The following ASTN2 variants were observed in gnomAD, a reference collection of about 807,000 sequenced individuals.
ASTN2 encodes astrotactin 2, also known as astrotactin-2.
A neutral mutation model predicts 139.8 loss-of-function variants in ASTN2; 54 were observed. That is an observed-to-expected ratio of 0.39 (90% CI 0.31 to 0.48). The LOEUF (loss-of-function observed/expected upper bound fraction) is 0.48, where lower values mean the gene tolerates loss of function less well. Among genes scored for constraint, ASTN2 ranks in the 20% least tolerant of loss-of-function variants. The pLI is 0.95. For missense variants in ASTN2, 1,565 were observed against 1,725.1 expected, an observed-to-expected ratio of 0.91 and a Z score of 1.64; for synonymous variants, 756 against 719.5, an observed-to-expected ratio of 1.05 and a Z score of -0.81.
Position 117,358,572 on chromosome 9 carries a change from TCA to T in ASTN2, c.442+55923_442+55924del, listed in dbSNP as rs1309171812. On this transcript the variant is annotated intron_variant, in intron 1 of 22. Transcript: ENST00000313400. ...ACATCACCCTGGGCACCATTTCTAA[TCA>T]CAGACTTGTCGACCACCAGCCTCTT... is the stretch of plus-strand genomic sequence containing the variant. Among the ~76,000 whole-genome samples, 4 of 152,238 alleles carry T rather than the reference TCA, an allele frequency of 2.6e-5. No individual in the cohort carries two copies. The East Asian group carries it at 5.8e-4, about 22-fold the overall frequency.
At chr9:117,056,526 A>G (rs996155464) in intron 5 of ASTN2, among the ~76,000 whole-genome samples, 8 of 152,158 alleles carry the variant, frequency 5.3e-5, no homozygotes, top group Non-Finnish European at 1.5e-5. Flanking sequence ...TCATAATTAC[A>G]CTGTGTCAGG....
At position 116,803,351 on chromosome 9, in the gene ASTN2, T is replaced by C. The variant is rs559508850; in HGVS notation, c.2396+2281A>G. 9.4e-5 allele frequency among the ~76,000 whole-genome samples: 14 copies of C among 149,212 alleles called. No individual in the cohort carries two copies. The South Asian group carries it at 1.5e-3, about 16-fold the overall frequency. On this transcript the variant is annotated intron_variant, in intron 13 of 22. Transcript: ENST00000313400. ...TTTAAATAGAGACAAGTGTTCACTCTGTTGCCCAGACTGGATTGCAGTGGC... is the reference window on the plus strand; with the variant it reads ...TTTAAATAGAGACAAGTGTTCACTCCGTTGCCCAGACTGGATTGCAGTGGC...
Position 116,618,365 on chromosome 9 carries a change from T to C in ASTN2, c.3314A>G (p.His1105Arg), listed in dbSNP as rs757177817. 5 of 1,614,046 alleles carry C rather than the reference T, an allele frequency of 3.1e-6. No individual in the cohort carries two copies. In the African/African-American group the frequency reaches 4.0e-5, roughly 13 times the overall value. The change falls in exon 19 of 23, where the codon CAT (histidine) becomes CGT (arginine). Residue 1105 changes from histidine to arginine, a missense_variant. Coordinates refer to ENST00000313400, the MANE Select transcript of ASTN2 (RefSeq NM_001365068.1). ...GTCTGTGTATTCATCCACTTTCTTATGCTGCAGAATATAGTCGGAGACCTT... is the reference window on the plus strand; with the variant it reads ...GTCTGTGTATTCATCCACTTTCTTACGCTGCAGAATATAGTCGGAGACCTT... ...GTKVSDYILQ[H>R]KKVDEYTDTD...
At chr9:116,915,776 C>T (rs925356378) in intron 10 of ASTN2, among the ~76,000 whole-genome samples, 6 of 152,180 alleles carry the variant, frequency 3.9e-5, no homozygotes, top group Non-Finnish European at 7.3e-5. Flanking sequence ...ACTTCTTCAT[C>T]TGTCTGTTCA....
At chr9:117,128,063 A>G (rs1829740339) in intron 4 of ASTN2, among the ~76,000 whole-genome samples, 1 of 152,034 alleles carries the variant, frequency 6.6e-6, no homozygotes, top group Admixed American at 6.5e-5. Context: ...AATCATAGGG[A>G]GTGAAAGCTG....
chr9:116,586,841 C>CACACACAT (rs1854176631), intron 19 of ASTN2, among the ~76,000 whole-genome samples: 2 of 145,636 alleles, frequency 1.4e-5, no homozygotes, highest in South Asian at 4.2e-4. Flanking sequence ...TACACACACA[C>CACACACAT]ACACACACAC....
At chr9:116,784,263 C>T (rs1057088379) in intron 13 of ASTN2, among the ~76,000 whole-genome samples, 2 of 152,200 alleles carry the variant, frequency 1.3e-5, no homozygotes, top group Non-Finnish European at 2.9e-5. Context: ...AAATCCTTCA[C>T]CACTACTTTT....
At chr9:116,665,193 CT>C (rs1255860159) in intron 16 of ASTN2, among the ~76,000 whole-genome samples, 2 of 152,078 alleles carry the variant, frequency 1.3e-5, no homozygotes, top group African/African-American at 4.8e-5. Flanking sequence ...CCAAATAAAC[CT>C]TTTTTCCTTA....
chr9:117,221,223 T>C (rs1016428112), intron 2 of ASTN2, among the ~76,000 whole-genome samples: 2 of 152,172 alleles, frequency 1.3e-5, no homozygotes, highest in Non-Finnish European at 2.9e-5. Context: ...GCTGGTTTTC[T>C]TACGTACACA....
intron 1 of ASTN2, among the ~76,000 whole-genome samples, chr9:117,370,127 T>C (rs1829950856): frequency 6.6e-6 from 1 of 152,068 alleles, no homozygotes; most frequent in Non-Finnish European, 1.5e-5. Context: ...AGGCTCCTCC[T>C]TTGAGGTAGA....
chr9:116,625,639 C>G (rs1856411993), intron 17 of ASTN2, among the ~76,000 whole-genome samples: 1 of 152,112 alleles, frequency 6.6e-6, no homozygotes. Flanking sequence ...TCCACTGATT[C>G]AACCTCCTTT....
intron 10 of ASTN2, among the ~76,000 whole-genome samples, chr9:116,928,496 T>C (rs529625179): frequency 1.3e-5 from 2 of 152,316 alleles, no homozygotes; most frequent in East Asian, 1.9e-4. Context: ...TAACCTTGTA[T>C]GTACTTCCAG....
At chr9:116,679,215 T>G (rs1290119117) in intron 16 of ASTN2, among the ~76,000 whole-genome samples, 1 of 152,196 alleles carries the variant, frequency 6.6e-6, no homozygotes, top group Non-Finnish European at 1.5e-5. Flanking sequence ...TGGGATTCTA[T>G]TTTATAATAT....
chr9:117,251,089 C>T (rs1057075772), intron 2 of ASTN2, among the ~76,000 whole-genome samples: 1 of 152,126 alleles, frequency 6.6e-6, no homozygotes, highest in Non-Finnish European at 1.5e-5. Context: ...GAGGAGTCAG[C>T]ACTATGACAG....
At chr9:117,243,164 C>A (rs781674969) in intron 2 of ASTN2, among the ~76,000 whole-genome samples, 8 of 152,210 alleles carry the variant, frequency 5.3e-5, no homozygotes, top group Non-Finnish European at 1.0e-4. Context: ...GACAAAGTTG[C>A]ATAGCTAAGA....
At chr9:116,873,605 C>T (rs964189462) in intron 10 of ASTN2, among the ~76,000 whole-genome samples, 5 of 152,154 alleles carry the variant, frequency 3.3e-5, no homozygotes, top group Non-Finnish European at 7.3e-5. Context: ...TTAATAATTG[C>T]CTATGGGATT....
chr9:116,805,873 TG>T (rs1208995091), intron 12 of ASTN2, 53 bp from the exon 13 acceptor site: 4 of 1,574,090 alleles, frequency 2.5e-6, no homozygotes, highest in South Asian at 2.4e-5. Flanking sequence ...ATGCCCCCAT[TG>T]GGGGTGACCT....
At chr9:116,917,065 C>T (rs1306970208) in intron 10 of ASTN2, among the ~76,000 whole-genome samples, 1 of 151,814 alleles carries the variant, frequency 6.6e-6, no homozygotes, top group African/African-American at 2.4e-5. Flanking sequence ...TTGCAAAGAC[C>T]CCATTCATAT....
At chr9:116,880,614 C>T (rs1452330501) in intron 10 of ASTN2, among the ~76,000 whole-genome samples, 1 of 152,174 alleles carries the variant, frequency 6.6e-6, no homozygotes, top group African/African-American at 2.4e-5. Flanking sequence ...GTAATGTTTC[C>T]TCCAAGGGTG....
Sources: allele counts gnomAD v4.1 joint callset (sites outside exome capture counted in the v4.1 genomes callset), GRCh38; gene constraint gnomAD v4.1.1; transcripts MANE v1.5; gene names NCBI Gene and HGNC (gene_info 2026-07-23, HGNC 2026-07-21).